Variants in SLC6A13 observed in about 807,000 individuals in gnomAD.
SLC6A13 encodes solute carrier family 6 member 13.
A neutral mutation model predicts 72.9 loss-of-function variants in SLC6A13; 69 were observed. The ratio of observed to expected loss-of-function variants is 0.95; its 90% CI spans 0.78 to 1.16. The LOEUF is 1.16. SLC6A13 is among the 50% of genes most tolerant of loss of function. The pLI, the probability that SLC6A13 is intolerant of heterozygous loss-of-function variation, is 0.00. For missense variants in SLC6A13, 735 were observed against 760.5 expected (o/e 0.97, Z 0.39); for synonymous variants, 303 against 303.0 (o/e 1.00, Z 0.00).
At position 237,313 on chromosome 12, in the gene SLC6A13, T is replaced by C. The variant is rs1941971007; in HGVS notation, c.564-23A>G. The C allele has an allele frequency of 3.1e-6, 5 of 1,612,234 alleles. No individual in the cohort carries two copies. The East Asian group carries it at 1.1e-4, about 36-fold the overall frequency. On this transcript the variant is annotated intron_variant, in intron 5 of 14. Coordinates refer to ENST00000343164, the MANE Select transcript of SLC6A13 (RefSeq NM_016615.5). ...CGCCTGGGGAGAGAAGGGTTGAACC[T>C]GGCTTACTTTTTCTGCCAGCCTCAG...
chr12:245,919 C>A (rs1942331829), intron 2 of SLC6A13, among the ~76,000 whole-genome samples: 1 of 151,682 alleles, frequency 6.6e-6, no homozygotes, highest in African/African-American at 2.4e-5. Context: ...AGATCGAGAC[C>A]ATCCTGGCTA....
rs376185246 is a variant in SLC6A13 at position 254,242 on chromosome 12, T to C, written c.202+5609A>G. ...CCGAGGAGTCTGGCCACTGGCACACTGTCACTGCTACGCAGGACTCACATG... is the reference window on the plus strand; with the variant it reads ...CCGAGGAGTCTGGCCACTGGCACACCGTCACTGCTACGCAGGACTCACATG... On this transcript the variant is annotated intron_variant, in intron 2 of 14. Coordinates refer to ENST00000343164, the MANE Select transcript of SLC6A13 (RefSeq NM_016615.5). This position sits in a 1 kb window ranked among gnomAD's most constrained non-coding sequence, Gnocchi z 4.4. Among the ~76,000 whole-genome samples, 240 of 152,350 alleles carry C rather than the reference T, an allele frequency of 1.6e-3. 2 individuals are homozygous for C. The South Asian group carries it at 0.018, about 11-fold the overall frequency.
At chr12:257,768 G>A (rs3782856) in intron 2 of SLC6A13, among the ~76,000 whole-genome samples, 4,650 of 152,120 alleles carry the variant, frequency 0.031, 183 homozygotes, top group East Asian at 0.17. Flanking sequence ...CATCCCCCAC[G>A]TTCCAGTCAC....
At chr12:256,765 GC>G (rs2137321303) in intron 2 of SLC6A13, 1 of 152,184 alleles carries the variant, frequency 6.6e-6, no homozygotes, top group African/African-American at 2.4e-5. Context: ...TTCCTTGATT[GC>G]CCTCCCCTCC....
rs1941460064 is a variant in SLC6A13, at chr12:226,486, T to C, written c.964A>G (p.Ser322Gly). 6.2e-7 allele frequency: 1 copy of C among 1,613,950 alleles called. No homozygotes were observed. Among genetic ancestry groups the C allele is most frequent in the Non-Finnish European group, 8.5e-7 (1 of 1,179,908 alleles). The stretch of plus-strand genomic sequence containing the variant: ...AAGCCGGCCACAAAGCTGGTGCCGC[T>C]GTTGAGGAAGCAGAGGGCGATGCAG... ...RDCIALCFLN[S>G]GTSFVAGFAI... The change falls in exon 9 of 15, where the codon AGC becomes GGC. Residue 322 changes from serine (S) to glycine (G), a missense_variant. Transcript: ENST00000343164.
chr12:241,290 G>A (rs1037542569), intron 4 of SLC6A13, among the ~76,000 whole-genome samples: 13 of 152,100 alleles, frequency 8.5e-5, no homozygotes, highest in African/African-American at 2.9e-4. Context: ...GCGACCGAGC[G>A]AGACTCCATC....
Position 259,759 on chromosome 12 carries a change from C to G in SLC6A13, c.202+92G>C, listed in dbSNP as rs757686332. 5 of 1,613,160 alleles carry G rather than the reference C, an allele frequency of 3.1e-6. No homozygotes were observed. The South Asian group carries it at 5.5e-5, about 18-fold the overall frequency. Reference sequence around the variant, plus strand: ...CTCCTACCTCCAGAATTCTATACATCTATGGGACTCCCCAGAGGGGCCGTA... The same window carrying G: ...CTCCTACCTCCAGAATTCTATACATGTATGGGACTCCCCAGAGGGGCCGTA... On this transcript the variant is annotated intron_variant, in intron 2 of 14. Coordinates refer to ENST00000343164, the MANE Select transcript of SLC6A13 (RefSeq NM_016615.5).
In SLC6A13 at chr12:262,823, GAGA is replaced by G. The variant is rs1942971635; in HGVS notation, c.-43_-41del. ...GCTGCTGCCAGAGGTCCAGTCAGGG[GAGA>G]AGAATTATCTAAGGGGGAAGGAGAA... On this transcript the variant is annotated 5_prime_UTR_variant, in exon 1 of 15. Transcript: ENST00000343164. 2 of 319,440 alleles carry G rather than the reference GAGA, an allele frequency of 6.3e-6. No individual in the cohort carries two copies. The highest frequency in any genetic ancestry group is 9.0e-6 in the Non-Finnish European group (2 of 221,188). The allele number at this position is 319,440 out of a possible 1,614,324, so 19.8% of individuals were successfully genotyped here. A position where few individuals can be genotyped will look rare whatever the true frequency, so the allele number is the denominator to read the frequency against.
intron 9 of SLC6A13, among the ~76,000 whole-genome samples, chr12:225,980 G>A (rs1256719353): frequency 2.0e-5 from 3 of 152,220 alleles, no homozygotes; most frequent in Admixed American, 6.5e-5. Flanking sequence ...TGAACAAAAC[G>A]AGGCCAGGTG....
intron 2 of SLC6A13, among the ~76,000 whole-genome samples, chr12:257,682 G>A (rs1356559970): frequency 2.0e-5 from 3 of 151,794 alleles, no homozygotes; most frequent in East Asian, 1.9e-4. Flanking sequence ...CAGTCAACAC[G>A]TTCCAGACCC....
At chr12:241,814 T>C (rs572984833) in intron 4 of SLC6A13, among the ~76,000 whole-genome samples, 1 of 152,356 alleles carries the variant, frequency 6.6e-6, no homozygotes, top group East Asian at 1.9e-4. Flanking sequence ...CAGGTAGTCG[T>C]ATAAGCACAG....
chr12:228,480 T>C (rs1489071915), intron 7 of SLC6A13, among the ~76,000 whole-genome samples: 2 of 152,144 alleles, frequency 1.3e-5, no homozygotes. Context: ...GTGTTCCTCA[T>C]GTGTCTGTGT....
Position 237,215 on chromosome 12 carries a change from C to A in SLC6A13, c.639G>T (p.Leu213=). The A allele has an allele frequency of 6.2e-7, 1 of 1,614,086 alleles. No individual in the cohort carries two copies. The highest frequency in any genetic ancestry group is 8.5e-7 in the Non-Finnish European group (1 of 1,179,970). The change falls in exon 6 of 15, where the codon CTG becomes CTT. Residue 213 remains leucine, a synonymous_variant. Transcript: ENST00000343164. ...ALRWELALCL[L]LAWVICYFCI... is the part of the protein sequence containing the mutation. Reference sequence around the variant, plus strand: ...AGAAGTAGCAGATGACCCAGGCCAGCAGGAGGCACAGAGCCAGCTCCCAGC... The same window carrying A: ...AGAAGTAGCAGATGACCCAGGCCAGAAGGAGGCACAGAGCCAGCTCCCAGC...
chr12:228,997 A>T (rs571812053), intron 7 of SLC6A13, among the ~76,000 whole-genome samples: 47 of 152,236 alleles, frequency 3.1e-4, no homozygotes, highest in African/African-American at 1.1e-3. Context: ...AGGGCCAGGG[A>T]CAGAGCAAGG....
At chr12:231,285 G>A (rs775458697) in intron 7 of SLC6A13, among the ~76,000 whole-genome samples, 50 of 152,350 alleles carry the variant, frequency 3.3e-4, no homozygotes, top group Non-Finnish European at 5.7e-4. Flanking sequence ...GGGAGCAAAC[G>A]AGAGGGGAGC....
chr12:260,618 T>C (rs1942894939), intron 1 of SLC6A13, among the ~76,000 whole-genome samples: 1 of 152,212 alleles, frequency 6.6e-6, no homozygotes, highest in Non-Finnish European at 1.5e-5. Context: ...ATGGTAGATA[T>C]GTTGATAAAT....
Position 223,223 on chromosome 12 carries a change from G to C in SLC6A13, c.1323C>G (p.Tyr441Ter). 2 of 1,609,806 alleles carry C rather than the reference G, an allele frequency of 1.2e-6. No individual in the cohort carries two copies. The highest frequency in any genetic ancestry group is 8.5e-7 in the Non-Finnish European group (1 of 1,176,682). ...CATAGTAGTCAAAGAGCTGGAACAC[G>C]TACATTCCGCCCTGCATGGGAGGAG... ...GLIMLTEGGMYVFQLFDYYAA... is the reference protein window; with the variant it reads ...GLIMLTEGGM Residue 441 changes from tyrosine to a stop codon, truncating the protein, a stop_gained, in exon 12 of 15, where the codon TAC becomes TAG. Coordinates refer to ENST00000343164, the MANE Select transcript of SLC6A13 (RefSeq NM_016615.5). LOFTEE classifies it high-confidence loss of function.
chr12:228,610 G>A (rs544677804), intron 7 of SLC6A13, among the ~76,000 whole-genome samples: 1 of 152,054 alleles, frequency 6.6e-6, no homozygotes, highest in Admixed American at 6.5e-5. Context: ...ACTCTCTTCC[G>A]CTAATATCAG....
intron 2 of SLC6A13, among the ~76,000 whole-genome samples, chr12:246,391 C>T (rs1398622190): frequency 2.0e-5 from 3 of 152,012 alleles, no homozygotes; most frequent in East Asian, 1.9e-4. Context: ...GGTATTCAAT[C>T]GAAAATTACC....
Sources: allele counts gnomAD v4.1 joint callset (sites outside exome capture counted in the v4.1 genomes callset), GRCh38; gene constraint gnomAD v4.1.1; non-coding constraint Gnocchi (gnomAD v3.1); transcripts MANE v1.5; gene names NCBI Gene and HGNC (gene_info 2026-07-23, HGNC 2026-07-21).